Variants in SAP130 observed in about 807,000 individuals in gnomAD.
The protein encoded by SAP130 is histone deacetylase complex subunit SAP130.
SAP130 carries 16 observed loss-of-function variants against 103.2 expected under a neutral mutation model. The ratio of observed to expected loss-of-function variants is 0.16; its 90% CI spans 0.10 to 0.24. The LOEUF is 0.24. Among genes scored for constraint, SAP130 ranks in the 10% least tolerant of loss-of-function variants. The pLI is 1.00. For synonymous variants in SAP130, 477 were observed against 497.0 expected (o/e 0.96, Z 0.53); for missense variants, 990 against 1,359.7 (o/e 0.73, Z 4.28).
chr2:128,023,805 T>C (rs1685311765), intron 2 of SAP130, among the ~76,000 whole-genome samples: 1 of 151,968 alleles, frequency 6.6e-6, no homozygotes, highest in Non-Finnish European at 1.5e-5. Flanking sequence ...CATTTCCCTA[T>C]TGAATTACTT....
intron 16 of SAP130, among the ~76,000 whole-genome samples, chr2:127,950,678 A>G (rs1248152640): frequency 6.6e-6 from 1 of 152,216 alleles, no homozygotes; most frequent in South Asian, 2.1e-4. Flanking sequence ...CCTAGCCTCC[A>G]TTACAGGTGT....
At chr2:127,997,302 TG>T (rs965690840) in intron 10 of SAP130, among the ~76,000 whole-genome samples, 43 of 152,344 alleles carry the variant, frequency 2.8e-4, no homozygotes, top group African/African-American at 1.0e-3. Flanking sequence ...ATTAACAGTA[TG>T]CCTGGGAATT....
intron 18 of SAP130, 123 bp downstream of exon 18, chr2:127,949,746 T>C: frequency 9.6e-7 from 1 of 1,041,738 alleles, no homozygotes; most frequent in Non-Finnish European, 1.4e-6. Context: ...GCCTCAAGAT[T>C]TTGTAACAAA....
chr2:127,970,254 G>C (rs527890044), intron 15 of SAP130, among the ~76,000 whole-genome samples: 1 of 137,916 alleles, frequency 7.3e-6, no homozygotes, highest in East Asian at 2.3e-4. Context: ...TAAATTAGCT[G>C]GGCATGGGCC....
In SAP130 at chr2:127,996,323, C is replaced by A; in HGVS notation, c.1355+27G>T. On this transcript the variant is annotated intron_variant, in intron 11 of 20. Coordinates refer to ENST00000643581, the MANE Select transcript of SAP130 (RefSeq NM_001330301.2). The surrounding 1 kb of genome is among the most constrained non-coding windows in gnomAD (Gnocchi z 4.3). Reference sequence around the variant, plus strand: ...CAGAACGATTAATGACACAGTGAGGCAGAATAACTGACACACAGCCTCCTA... The same window carrying A: ...CAGAACGATTAATGACACAGTGAGGAAGAATAACTGACACACAGCCTCCTA... The A allele has an allele frequency of 6.4e-7, 1 of 1,559,546 alleles. No homozygotes were observed.
chr2:127,999,975 G>A (rs1449917260), intron 9 of SAP130, 81 bp downstream of exon 9: 2 of 1,479,518 alleles, frequency 1.4e-6, no homozygotes, highest in Non-Finnish European at 1.9e-6. Flanking sequence ...TTCTCTGACT[G>A]AAGGTGAGAA....
intron 2 of SAP130, among the ~76,000 whole-genome samples, chr2:128,021,984 A>C (rs1224566010): frequency 1.3e-5 from 2 of 152,244 alleles, no homozygotes; most frequent in Admixed American, 6.5e-5. Context: ...TTACATATAA[A>C]ATTCACTAAT....
intron 15 of SAP130, among the ~76,000 whole-genome samples, chr2:127,968,474 G>A (rs1482519140): frequency 6.8e-6 from 1 of 148,108 alleles, no homozygotes; most frequent in Non-Finnish European, 1.5e-5. Context: ...GTTGCAGTGA[G>A]CAGAGATCGC....
intron 9 of SAP130, 47 bp downstream of exon 9, chr2:128,000,009 T>A: frequency 6.4e-7 from 1 of 1,567,186 alleles, no homozygotes; most frequent in Non-Finnish European, 8.8e-7. Flanking sequence ...CCATCACTCT[T>A]GCCTCCTTTT....
chr2:127,979,127 TA>T (rs1275244616), intron 14 of SAP130, among the ~76,000 whole-genome samples: 1 of 152,116 alleles, frequency 6.6e-6, no homozygotes, highest in Non-Finnish European at 1.5e-5. Context: ...AGTATCCTAG[TA>T]ACAGAAAGGG....
rs1196228260 is a variant in SAP130 at position 127,950,196 on chromosome 2, C to T, written c.2635G>A (p.Ala879Thr). The T allele has an allele frequency of 2.5e-6, 4 of 1,614,082 alleles. No homozygotes were observed. The highest frequency in any genetic ancestry group is 3.4e-6 in the Non-Finnish European group (4 of 1,180,056). The part of the protein sequence containing the change: ...KSTAKSLLVK[A>T]EKRKSPPKEY... ...TTGGGAGGAGACTTGCGCTTCTCAG[C>T]CTTCACCAGAAGACTCTTGGCAGTG... Residue 879 changes from alanine to threonine, a missense_variant, in exon 17 of 21, where the codon GCT becomes ACT. Coordinates refer to ENST00000643581, the MANE Select transcript of SAP130 (RefSeq NM_001330301.2).
chr2:128,021,390 T>G (rs1294471795), intron 2 of SAP130, among the ~76,000 whole-genome samples: 1 of 146,062 alleles, frequency 6.8e-6, no homozygotes, highest in Admixed American at 7.1e-5. Flanking sequence ...GAGGTTGCAG[T>G]GAGTCGAGAT....
At chr2:128,012,986 A>G (rs1286167477) in intron 6 of SAP130, 44 bp downstream of exon 6, 10 of 1,558,454 alleles carry the variant, frequency 6.4e-6, no homozygotes, top group Admixed American at 1.9e-5. Flanking sequence ...GGCAGAATGA[A>G]TAACTCCAAT....
Position 128,009,198 on chromosome 2 carries a change from G to A in SAP130, c.869+1071C>T, listed in dbSNP as rs565106436. ...CTTCAAAATCTACCCAGGGCCAGGT[G>A]TGGTGGCTGGCTCATGCCTATAATC... is the stretch of plus-strand genomic sequence containing the variant. On this transcript the variant is annotated intron_variant, in intron 7 of 20. Transcript: ENST00000643581. Among the ~76,000 whole-genome samples, 12 of 152,266 alleles carry A rather than the reference G, an allele frequency of 7.9e-5. No homozygotes were observed. The South Asian group carries it at 2.1e-3, about 26-fold the overall frequency.
rs1679562609 is a variant in SAP130 at position 127,952,499 on chromosome 2, C to T, written c.2423-2091G>A. ...TCTTGACATCATGTCACTTCAAACA[C>T]CTTTTTTCTCTTCCTTTAGAACAAA... On this transcript the variant is annotated intron_variant, in intron 16 of 20. Transcript: ENST00000643581. Among the ~76,000 whole-genome samples the T allele has an allele frequency of 2.0e-5, 3 of 151,404 alleles. No homozygotes were observed. In the South Asian group the frequency reaches 6.3e-4, roughly 32 times the overall value.
chr2:127,947,759 T>TCTGTGTGTGTGA (rs1553500380), intron 18 of SAP130, among the ~76,000 whole-genome samples: 4 of 91,258 alleles, frequency 4.4e-5, no homozygotes, highest in Admixed American at 3.8e-4. Flanking sequence ...TTGTATTGTG[T>TCTGTGTGTGTGA]GTGTCTGTGT....
At chr2:127,977,814 C>G (rs924132072) in intron 15 of SAP130, among the ~76,000 whole-genome samples, 171 bp downstream of exon 15, 1 of 151,618 alleles carries the variant, frequency 6.6e-6, no homozygotes. Flanking sequence ...CCCAGGAGTT[C>G]AAGGCTGTCG....
At position 128,000,089 on chromosome 2, in the gene SAP130, C is replaced by A. The variant is rs769259036; in HGVS notation, c.1075G>T (p.Ala359Ser). 3 of 1,614,060 alleles carry A rather than the reference C, an allele frequency of 1.9e-6. No homozygotes were observed. In the South Asian group the frequency reaches 3.3e-5, roughly 18 times the overall value. The change falls in exon 9 of 21, where the codon GCA (alanine) becomes TCA (serine). Residue 359 changes from alanine to serine, a missense_variant. Ala to Ser is a moderately conservative substitution (Grantham distance 99). This residue lies in a region of SAP130 where 336 missense variants were observed against 520.1 expected (regional missense o/e 0.65). Transcript: ENST00000643581. Reference protein sequence around the residue: ...VAAATVAPILATNTIPSATTA... With the variant: ...VAAATVAPILSTNTIPSATTA... ...GTCGCTGAAGGAATGGTGTTGGTTG[C>A]CAAAATAGGTGCTACTGTGGCTGCA... is the stretch of plus-strand genomic sequence containing the variant.
intron 2 of SAP130, among the ~76,000 whole-genome samples, chr2:128,023,100 C>T (rs1255910602): frequency 6.6e-6 from 1 of 151,794 alleles, no homozygotes; most frequent in Non-Finnish European, 1.5e-5. Context: ...GTTCAAGTGA[C>T]TGTCCTGCCT....
Sources: gnomAD v4.1 joint callset for allele counts (sites outside exome capture counted in the v4.1 genomes callset) on GRCh38, gnomAD v4.1.1 for gene constraint, gnomAD v4.1.1 regional missense constraint, Gnocchi (gnomAD v3.1) non-coding constraint, MANE v1.5 for transcripts, NCBI Gene and HGNC (gene_info 2026-07-23, HGNC 2026-07-21) for gene names.